Variants in NAALADL2 observed in about 807,000 individuals in gnomAD.
NAALADL2 encodes the protein inactive N-acetylated-alpha-linked acidic dipeptidase-like protein 2.
A neutral mutation model predicts 87.2 loss-of-function variants in NAALADL2; 76 were observed. The ratio of observed to expected loss-of-function variants is 0.87; its 90% CI spans 0.72 to 1.05. The LOEUF (loss-of-function observed/expected upper bound fraction) is 1.05. NAALADL2 is among the 50% of genes least tolerant of loss of function. The pLI is 0.00. For synonymous variants in NAALADL2, 354 were observed against 331.0 expected (o/e 1.07, Z -0.75); for missense variants, 1,089 against 945.8 (o/e 1.15, Z -1.99).
chr3:175,601,586 C>T lies in NAALADL2; in HGVS notation c.1800+25399C>T, dbSNP rs375075518. Among the ~76,000 whole-genome samples, 275 of 152,148 alleles carry T rather than the reference C, an allele frequency of 1.8e-3. 1 individual carries two copies. Among genetic ancestry groups the T allele is most frequent in the African/African-American group, 6.2e-3 (259 of 41,526 alleles). ...TTTAGACTTTATTTCTCTTAAAATA[C>T]TTTGAGTAGGTTGAACAAACTGAAT... On this transcript the variant is annotated intron_variant, in intron 10 of 13. Coordinates refer to ENST00000454872, the MANE Select transcript of NAALADL2 (RefSeq NM_207015.3).
chr3:175,644,924 T>C (rs1311580560), intron 11 of NAALADL2, among the ~76,000 whole-genome samples: 1 of 152,028 alleles, frequency 6.6e-6, no homozygotes, highest in Non-Finnish European at 1.5e-5. Flanking sequence ...AGTTGTTTAG[T>C]GCTGAAAATA....
chr3:174,592,659 A>G (rs1717495236), intron 2 of NAALADL2, among the ~76,000 whole-genome samples: 1 of 152,158 alleles, frequency 6.6e-6, no homozygotes, highest in South Asian at 2.1e-4. Flanking sequence ...TTAGAACTGC[A>G]AAGTTGTTGT....
At chr3:175,658,446 C>T (rs1731799556) in intron 11 of NAALADL2, among the ~76,000 whole-genome samples, 1 of 151,978 alleles carries the variant, frequency 6.6e-6, no homozygotes, top group Non-Finnish European at 1.5e-5. Flanking sequence ...TCCGATACTA[C>T]CTTGAAGGGC....
At chr3:175,541,466 A>C (rs1712324606) in intron 9 of NAALADL2, among the ~76,000 whole-genome samples, 1 of 152,198 alleles carries the variant, frequency 6.6e-6, no homozygotes, top group Non-Finnish European at 1.5e-5. Flanking sequence ...TTTTATAATA[A>C]AATGTTGAAT....
chr3:174,926,823 T>A (rs560603596), intron 1 of NAALADL2, among the ~76,000 whole-genome samples: 11 of 152,144 alleles, frequency 7.2e-5, no homozygotes, highest in African/African-American at 2.7e-4. Context: ...CCAGCTAACA[T>A]CATAATGACA....
chr3:174,949,564 CA>C (rs1740012015), intron 1 of NAALADL2, among the ~76,000 whole-genome samples: 1 of 152,190 alleles, frequency 6.6e-6, no homozygotes, highest in South Asian at 2.1e-4. Flanking sequence ...TTTCACACTA[CA>C]TTGACTTTAG....
At chr3:175,577,977 CT>C (rs527916080) in intron 10 of NAALADL2, among the ~76,000 whole-genome samples, 1 of 151,812 alleles carries the variant, frequency 6.6e-6, no homozygotes, top group Non-Finnish European at 1.5e-5. Context: ...GAAATTAGAG[CT>C]TTTTTTATGA....
chr3:175,723,241 A>C (rs568275918), intron 11 of NAALADL2, among the ~76,000 whole-genome samples: 1 of 152,148 alleles, frequency 6.6e-6, no homozygotes, highest in East Asian at 1.9e-4. Context: ...AGCTCTTCAG[A>C]TAGCCCTCGA....
intron 1 of NAALADL2, among the ~76,000 whole-genome samples, chr3:174,917,021 A>G (rs1560360878): frequency 6.6e-6 from 1 of 152,142 alleles, no homozygotes; most frequent in East Asian, 1.9e-4. Context: ...ACCTGGTGGT[A>G]AAGCGTTTCA....
intron 5 of NAALADL2, among the ~76,000 whole-genome samples, chr3:175,383,698 C>A (rs1768046931): frequency 6.6e-6 from 1 of 152,006 alleles, no homozygotes; most frequent in Non-Finnish European, 1.5e-5. Context: ...AAATGTTCTT[C>A]CTCTCCTACA....
chr3:175,376,863 T>C (rs1478243671), intron 5 of NAALADL2, among the ~76,000 whole-genome samples: 2 of 152,192 alleles, frequency 1.3e-5, no homozygotes, highest in Non-Finnish European at 2.9e-5. Context: ...GACTTTACAT[T>C]TACTGAACTC....
Position 175,171,588 on chromosome 3 carries a change from C to T in NAALADL2, c.546-62343C>T, listed in dbSNP as rs114924765. ...TTCTTCTAAGAAACATGTATTGAAA[C>T]TCCTCTGTCTAGCTACTGTGTTGCA... On this transcript the variant is annotated intron_variant, in intron 2 of 13. Transcript: ENST00000454872. 3.4e-3 allele frequency among the ~76,000 whole-genome samples: 513 copies of T among 152,172 alleles called. 3 individuals carry two copies. Among genetic ancestry groups the T allele is most frequent in the African/African-American group, 0.012 (481 of 41,544 alleles).
intron 1 of NAALADL2, among the ~76,000 whole-genome samples, chr3:174,878,102 G>C (rs1728727405): frequency 6.6e-6 from 1 of 152,058 alleles, no homozygotes; most frequent in South Asian, 2.1e-4. Context: ...GTCTGATTTT[G>C]AAATAGCTTT....
chr3:175,631,244 T>C (rs1449730215), intron 11 of NAALADL2, among the ~76,000 whole-genome samples: 1 of 151,782 alleles, frequency 6.6e-6, no homozygotes, highest in Non-Finnish European at 1.5e-5. Flanking sequence ...AACAGTATTT[T>C]ATTTTATTTT....
chr3:175,596,486 A>C (rs1043773905), intron 10 of NAALADL2, among the ~76,000 whole-genome samples: 1 of 151,946 alleles, frequency 6.6e-6, no homozygotes, highest in Non-Finnish European at 1.5e-5. Context: ...CATTCTTTGA[A>C]TGTTGACATT....
intron 1 of NAALADL2, among the ~76,000 whole-genome samples, chr3:174,898,619 AAAT>A (rs1731914400): frequency 6.6e-6 from 1 of 152,082 alleles, no homozygotes; most frequent in Non-Finnish European, 1.5e-5. Context: ...GGTACTGCAT[AAAT>A]TTATACATCT....
chr3:175,013,851 G>GT, intron 1 of NAALADL2, among the ~76,000 whole-genome samples: 1 of 151,984 alleles, frequency 6.6e-6, no homozygotes, highest in African/African-American at 2.4e-5. Context: ...CATTCCTTAA[G>GT]TTTTGATTGG....
At chr3:175,718,176 G>A in intron 11 of NAALADL2, 1 of 1,231,298 alleles carries the variant, frequency 8.1e-7, no homozygotes, top group East Asian at 2.4e-5. Flanking sequence ...CGAATGGAGG[G>A]GAAGGGGAAG....
intron 4 of NAALADL2, among the ~76,000 whole-genome samples, chr3:175,262,189 C>G (rs1751151475): frequency 6.6e-6 from 1 of 151,872 alleles, no homozygotes; most frequent in African/African-American, 2.4e-5. Context: ...AATAAGAAAT[C>G]CTCTAGTTTT....
Sources: allele counts gnomAD v4.1 joint callset (sites outside exome capture counted in the v4.1 genomes callset), GRCh38; gene constraint gnomAD v4.1.1; transcripts MANE v1.5; gene names NCBI Gene and HGNC (gene_info 2026-07-23, HGNC 2026-07-21).